The following NPAS3 variants were observed in gnomAD, a reference collection of about 807,000 sequenced individuals.
NPAS3 encodes the protein neuronal PAS domain-containing protein 3.
A neutral mutation model predicts 73.1 loss-of-function variants in NPAS3; 14 were observed. The observed-to-expected ratio is 0.19, with a 90% CI of 0.13 to 0.30. The LOEUF (loss-of-function observed/expected upper bound fraction) is 0.30. NPAS3 is among the 10% of genes least tolerant of loss of function. The pLI is 1.00. For missense variants in NPAS3, 1,096 were observed against 1,250.0 expected (o/e 0.88, Z 1.86); for synonymous variants, 620 against 541.5 (o/e 1.14, Z -2.01).
intron 3 of NPAS3, among the ~76,000 whole-genome samples, chr14:33,307,214 C>T (rs986502129): frequency 6.6e-6 from 1 of 151,910 alleles, no homozygotes; most frequent in Non-Finnish European, 1.5e-5. Flanking sequence ...GAGGTTTTTG[C>T]GTTGTCTAAT....
At chr14:33,314,976 T>C (rs2043150048) in intron 3 of NPAS3, among the ~76,000 whole-genome samples, 1 of 152,074 alleles carries the variant, frequency 6.6e-6, no homozygotes, top group Non-Finnish European at 1.5e-5. Context: ...TAGCAAACAG[T>C]ATTCAGTGAA....
At chr14:33,430,546 C>T (rs2048740523) in intron 4 of NPAS3, among the ~76,000 whole-genome samples, 1 of 152,048 alleles carries the variant, frequency 6.6e-6, no homozygotes, top group South Asian at 2.1e-4. Context: ...CTCCCACTCC[C>T]GGGGTGTCTG....
chr14:32,964,160 TAAAA>T (rs34380538), intron 1 of NPAS3, among the ~76,000 whole-genome samples: 32 of 75,446 alleles, frequency 4.2e-4, no homozygotes, highest in South Asian at 7.8e-4. Flanking sequence ...TTTGCTGCAC[TAAAA>T]AAAAAAAAAA....
chr14:33,555,509 T>C (rs2055313480), intron 4 of NPAS3, among the ~76,000 whole-genome samples: 1 of 152,186 alleles, frequency 6.6e-6, no homozygotes, highest in Non-Finnish European at 1.5e-5. Context: ...GCTTTCTTGA[T>C]TCAAAATTTA....
At chr14:33,350,369 G>A (rs1242955800) in intron 3 of NPAS3, among the ~76,000 whole-genome samples, 3 of 152,156 alleles carry the variant, frequency 2.0e-5, no homozygotes, top group African/African-American at 7.2e-5. Flanking sequence ...ATTCTCCTCT[G>A]CCTTCCACAT....
At chr14:33,746,861 A>C (rs1040979005) in intron 7 of NPAS3, among the ~76,000 whole-genome samples, 3 of 151,876 alleles carry the variant, frequency 2.0e-5, no homozygotes, top group Admixed American at 2.0e-4. Context: ...GTCATCTAGC[A>C]TTAGGTATAT....
Position 33,265,166 on chromosome 14 carries a change from A to G in NPAS3, c.385+49740A>G, listed in dbSNP as rs149102347. ...GATGAGGAGATACTCATCCAAGCCTAGCCCCTTGGCTAGTAGGGGAAAGGT... is the reference window on the plus strand; with the variant it reads ...GATGAGGAGATACTCATCCAAGCCTGGCCCCTTGGCTAGTAGGGGAAAGGT... On this transcript the variant is annotated intron_variant, in intron 3 of 11. Coordinates refer to ENST00000356141, the Ensembl canonical transcript of NPAS3. Among the ~76,000 whole-genome samples, 44 of 152,320 alleles carry G rather than the reference A, an allele frequency of 2.9e-4. 1 individual carries two copies. The highest frequency in any genetic ancestry group is 8.7e-4 in the African/African-American group (36 of 41,580).
At chr14:33,526,069 A>G (rs574268004) in intron 4 of NPAS3, among the ~76,000 whole-genome samples, 2 of 152,312 alleles carry the variant, frequency 1.3e-5, no homozygotes, top group Non-Finnish European at 2.9e-5. Flanking sequence ...AATAATCATC[A>G]GTGAATGGCA....
chr14:33,458,849 G>A (rs947342743), intron 4 of NPAS3, among the ~76,000 whole-genome samples: 3 of 152,152 alleles, frequency 2.0e-5, no homozygotes, highest in South Asian at 2.1e-4. Context: ...AAGGGGTCCC[G>A]ATCCAGACCC....
rs2046598780 is a variant in NPAS3, at chr14:33,201,157, C to G, written c.141-14025C>G. 1.3e-5 allele frequency among the ~76,000 whole-genome samples: 2 copies of G among 152,312 alleles called. 1 individual carries two copies. Among genetic ancestry groups the G allele is most frequent in the South Asian group, 4.1e-4 (2 of 4,824 alleles). ...AGGCATTTGAAGGACCATCCTGGGA[C>G]ACTTAATAAAACGCTAACTTTATCT... is the stretch of plus-strand genomic sequence containing the variant. On this transcript the variant is annotated intron_variant, in intron 2 of 11. Transcript: ENST00000356141.
chr14:33,621,620 T>C (rs1205240118), intron 5 of NPAS3, among the ~76,000 whole-genome samples: 2 of 152,178 alleles, frequency 1.3e-5, no homozygotes, highest in Non-Finnish European at 2.9e-5. Context: ...TTCATAATTA[T>C]CTTTCCCTTC....
intron 1 of NPAS3, among the ~76,000 whole-genome samples, chr14:33,044,851 T>C (rs536144647): frequency 9.2e-5 from 14 of 152,288 alleles, no homozygotes; most frequent in Admixed American, 4.6e-4. Flanking sequence ...GACTATAAAA[T>C]ACAGTAGCCA....
intron 2 of NPAS3, among the ~76,000 whole-genome samples, chr14:33,156,110 A>C (rs929129740): frequency 1.2e-4 from 18 of 152,224 alleles, no homozygotes; most frequent in Non-Finnish European, 5.9e-5. Context: ...AAATGAAGGA[A>C]ATCAGTATAA....
At chr14:33,803,490 G>A (rs2063761618), downstream of NPAS3, 1 of 152,164 alleles carries the variant, frequency 6.6e-6, no homozygotes, top group South Asian at 2.1e-4. Context: ...TTTAGGAGGT[G>A]AAGAAGGCCG....
chr14:33,024,007 C>T (rs887759638), intron 1 of NPAS3, among the ~76,000 whole-genome samples: 1 of 152,000 alleles, frequency 6.6e-6, no homozygotes, highest in Non-Finnish European at 1.5e-5. Context: ...TGAAGGAAAA[C>T]CAGACACTTT....
intron 5 of NPAS3, among the ~76,000 whole-genome samples, chr14:33,636,007 C>T (rs568049861): frequency 1.3e-5 from 2 of 152,292 alleles, no homozygotes; most frequent in South Asian, 2.1e-4. Context: ...TGCAATGGCA[C>T]GATCTCCGCC....
chr14:33,609,840 A>G (rs1379194680), intron 5 of NPAS3, among the ~76,000 whole-genome samples: 4 of 152,118 alleles, frequency 2.6e-5, no homozygotes, highest in Non-Finnish European at 4.4e-5. Context: ...TCTGACTCCA[A>G]TCAGGAGTTC....
intron 4 of NPAS3, among the ~76,000 whole-genome samples, chr14:33,384,523 A>T (rs2046695431): frequency 6.6e-6 from 1 of 152,076 alleles, no homozygotes; most frequent in Non-Finnish European, 1.5e-5. Flanking sequence ...TGAAGTCAGG[A>T]GTTCAAGATC....
rs564642439 is a variant in NPAS3 at position 33,590,154 on chromosome 14, G to A, written c.558+29944G>A. Among the ~76,000 whole-genome samples the A allele has an allele frequency of 3.3e-5, 5 of 152,196 alleles. No individual in the cohort carries two copies. The South Asian group carries it at 6.2e-4, about 19-fold the overall frequency. Reference sequence around the variant, plus strand: ...AAAATCATGAGCAGAAAATTCCTCAGTATATTATTTGCTATGTAAAAAAAG... The same window carrying A: ...AAAATCATGAGCAGAAAATTCCTCAATATATTATTTGCTATGTAAAAAAAG... On this transcript the variant is annotated intron_variant, in intron 5 of 11. Coordinates refer to ENST00000356141, the Ensembl canonical transcript of NPAS3.
Sources: allele counts gnomAD v4.1 joint callset (sites outside exome capture counted in the v4.1 genomes callset), GRCh38; gene constraint gnomAD v4.1.1; transcripts MANE v1.5; gene names NCBI Gene and HGNC (gene_info 2026-07-23, HGNC 2026-07-21).